The following CAB39 variants were observed in gnomAD, a reference collection of about 807,000 sequenced individuals.
CAB39 encodes the protein calcium-binding protein 39.
Under a neutral mutation model 40.0 loss-of-function variants are expected in CAB39, and 8 were observed. The observed-to-expected ratio is 0.20, with a 90% confidence interval of 0.12 to 0.36. The LOEUF (loss-of-function observed/expected upper bound fraction) is 0.36. CAB39 is among the 10% of genes least tolerant of loss of function. The pLI is 1.00. For synonymous variants in CAB39, 156 were observed against 141.6 expected (o/e 1.10, Z -0.72); for missense variants, 270 against 401.1 (o/e 0.67, Z 2.79).
At chr2:230,744,799 T>G (rs747677516) in intron 1 of CAB39, among the ~76,000 whole-genome samples, 1 of 152,242 alleles carries the variant, frequency 6.6e-6, no homozygotes, top group Non-Finnish European at 1.5e-5. Context: ...TATGAGTCTC[T>G]CAATAAGTAT....
chr2:230,729,486 C>T lies in CAB39; in HGVS notation c.-44+16256C>T, dbSNP rs550559095. The stretch of plus-strand genomic sequence containing the variant: ...GAGTTTAGTGCCCGGCGTGGTGGCT[C>T]ACGCCTGGAATCCCCAGCACTTTGG... On this transcript the variant is annotated intron_variant, in intron 1 of 8. Transcript: ENST00000258418. 3.1e-4 allele frequency among the ~76,000 whole-genome samples: 47 copies of T among 152,154 alleles called. No individual in the cohort carries two copies. In the South Asian group the frequency reaches 9.5e-3, roughly 31 times the overall value.
chr2:230,753,465 C>A (rs1005274388), intron 1 of CAB39, among the ~76,000 whole-genome samples: 1 of 152,070 alleles, frequency 6.6e-6, no homozygotes, highest in Non-Finnish European at 1.5e-5. Context: ...TATTATAAAC[C>A]ATTTTTTGGC....
At chr2:230,752,116 T>C (rs989509166) in intron 1 of CAB39, 1 of 129,656 alleles carries the variant, frequency 7.7e-6, no homozygotes, top group Admixed American at 9.9e-5. Flanking sequence ...TAAAAAGCAA[T>C]GCCTTTTTTA....
intron 5 of CAB39, among the ~76,000 whole-genome samples, chr2:230,800,624 C>T (rs1696073305): frequency 2.6e-5 from 4 of 152,104 alleles, no homozygotes; most frequent in Admixed American, 2.6e-4. Flanking sequence ...AGAGATTCCC[C>T]TGTGTGGAAG....
At chr2:230,803,266 A>G (rs1291921775) in intron 5 of CAB39, among the ~76,000 whole-genome samples, 1 of 152,206 alleles carries the variant, frequency 6.6e-6, no homozygotes, top group African/African-American at 2.4e-5. Flanking sequence ...CAAAATAATC[A>G]GAGCTATTTA....
intron 2 of CAB39, among the ~76,000 whole-genome samples, chr2:230,768,674 A>G (rs748497448): frequency 6.6e-6 from 1 of 152,214 alleles, no homozygotes; most frequent in African/African-American, 2.4e-5. Context: ...CGGGTCAATT[A>G]GGTGGAGGTG....
intron 1 of CAB39, among the ~76,000 whole-genome samples, chr2:230,728,942 T>G (rs1162701884): frequency 6.6e-6 from 1 of 152,142 alleles, no homozygotes; most frequent in African/African-American, 2.4e-5. Flanking sequence ...CCAAGAACAT[T>G]CTAAGTAAAA....
At chr2:230,817,733 A>G in intron 7 of CAB39, 21 bp from the exon 8 acceptor site, 4 of 1,542,322 alleles carry the variant, frequency 2.6e-6, no homozygotes, top group Non-Finnish European at 3.5e-6. Flanking sequence ...TAACAAGGTA[A>G]TTGTTTAAAT....
intron 1 of CAB39, among the ~76,000 whole-genome samples, chr2:230,728,958 G>A (rs1440155408): frequency 1.3e-5 from 2 of 152,148 alleles, no homozygotes; most frequent in Non-Finnish European, 2.9e-5. Context: ...TAAAACACCA[G>A]CAAAACTAAT....
chr2:230,772,553 C>G (rs564604853), intron 2 of CAB39, among the ~76,000 whole-genome samples: 1 of 150,848 alleles, frequency 6.6e-6, no homozygotes, highest in Non-Finnish European at 1.5e-5. Flanking sequence ...GGCACAGTCT[C>G]GGCTCACTGC....
intron 1 of CAB39, among the ~76,000 whole-genome samples, chr2:230,731,016 G>A (rs1694679164): frequency 6.6e-6 from 1 of 152,088 alleles, no homozygotes. Context: ...GATACAAAAG[G>A]TCAATGTTTT....
intron 5 of CAB39, 133 bp from the exon 6 acceptor site, chr2:230,810,130 C>T (rs1226702306): frequency 1.9e-6 from 1 of 538,522 alleles, no homozygotes; most frequent in Non-Finnish European, 3.3e-6. Context: ...TGTTTTAATA[C>T]AATTCATGCT....
At chr2:230,739,546 G>C (rs1011553234) in intron 1 of CAB39, among the ~76,000 whole-genome samples, 1 of 152,216 alleles carries the variant, frequency 6.6e-6, no homozygotes, top group Non-Finnish European at 1.5e-5. Context: ...CCAGGCTGGA[G>C]TGGAATGGCG....
intron 4 of CAB39, among the ~76,000 whole-genome samples, chr2:230,795,775 A>G (rs748641564): frequency 6.6e-6 from 1 of 152,152 alleles, no homozygotes; most frequent in Non-Finnish European, 1.5e-5. Flanking sequence ...TGTTTCTATA[A>G]AGAAGAACCC....
intron 6 of CAB39, 32 bp from the exon 7 acceptor site, chr2:230,814,013 GGCAA>G: frequency 7.8e-6 from 1 of 128,488 alleles, no homozygotes; most frequent in Non-Finnish European, 1.3e-5. Context: ...TTTTTTTTTT[GGCAA>G]TAACCCTGAT....
At chr2:230,799,984 T>C (rs1696059305) in intron 5 of CAB39, among the ~76,000 whole-genome samples, 3 of 138,408 alleles carry the variant, frequency 2.2e-5, no homozygotes, top group African/African-American at 2.7e-5. Flanking sequence ...AAAGCGAAAC[T>C]CCATCTCAAA....
intron 2 of CAB39, 123 bp downstream of exon 2, chr2:230,760,238 C>T (rs1412096826): frequency 1.8e-6 from 1 of 562,940 alleles, no homozygotes; most frequent in Non-Finnish European, 3.2e-6. Context: ...CATCCAAAAG[C>T]AACATATGCT....
intron 1 of CAB39, among the ~76,000 whole-genome samples, chr2:230,742,238 G>A (rs188431178): frequency 1.2e-4 from 19 of 152,070 alleles, no homozygotes; most frequent in African/African-American, 4.3e-4. Flanking sequence ...GCAGTGGTGC[G>A]ATCTTGGCTC....
At chr2:230,777,936 A>G (rs916957680) in intron 2 of CAB39, among the ~76,000 whole-genome samples, 8 of 152,312 alleles carry the variant, frequency 5.3e-5, no homozygotes, top group African/African-American at 1.7e-4. Flanking sequence ...AAACTCTTCA[A>G]TAACATTTTG....
Sources: gnomAD v4.1 joint callset for allele counts (sites outside exome capture counted in the v4.1 genomes callset) on GRCh38, gnomAD v4.1.1 for gene constraint, MANE v1.5 for transcripts, NCBI Gene and HGNC (gene_info 2026-07-23, HGNC 2026-07-21) for gene names.